Variants in SYNPR observed in about 807,000 individuals in gnomAD.
The protein encoded by SYNPR is synaptoporin.
A neutral mutation model predicts 32.9 loss-of-function variants in SYNPR; 23 were observed. That is an observed-to-expected ratio of 0.70 (90% CI 0.50 to 0.99). The LOEUF (loss-of-function observed/expected upper bound fraction) is 0.99. Ranked by LOEUF, SYNPR falls within the 50% of genes least tolerant of loss-of-function variation. The pLI, the probability that SYNPR is intolerant of heterozygous loss-of-function variation, is 0.00. For missense variants in SYNPR, 318 were observed against 349.3 expected, an observed-to-expected ratio of 0.91 and a Z score of 0.71; for synonymous variants, 146 against 135.9, an observed-to-expected ratio of 1.07 and a Z score of -0.52.
At chr3:63,469,717 T>C (rs145168485) in intron 2 of SYNPR, among the ~76,000 whole-genome samples, 2,201 of 152,356 alleles carry the variant, frequency 0.014, 51 homozygotes, top group African/African-American at 0.05. Flanking sequence ...ATTGATGCTA[T>C]ACTTTAGCCA....
At chr3:63,355,381 T>G (rs1453819067) in intron 2 of SYNPR, among the ~76,000 whole-genome samples, 3 of 152,062 alleles carry the variant, frequency 2.0e-5, no homozygotes, top group Non-Finnish European at 2.9e-5. Flanking sequence ...TAGAGGCTAC[T>G]GAAGGACCCA....
chr3:63,446,917 G>T (rs1416919239), intron 2 of SYNPR, among the ~76,000 whole-genome samples: 6 of 152,120 alleles, frequency 3.9e-5, no homozygotes, highest in Non-Finnish European at 8.8e-5. Context: ...GTTAAAAAAA[G>T]TTCAGAGTGC....
chr3:63,594,623 C>T (rs547387474), intron 4 of SYNPR, among the ~76,000 whole-genome samples: 1 of 152,154 alleles, frequency 6.6e-6, no homozygotes, highest in South Asian at 2.1e-4. Context: ...AATGGGATTA[C>T]AATAGTATCT....
chr3:63,281,511 A>G (rs2086630144), intron 2 of SYNPR, among the ~76,000 whole-genome samples: 1 of 152,210 alleles, frequency 6.6e-6, no homozygotes, highest in African/African-American at 2.4e-5. Flanking sequence ...TCAAGGTGCC[A>G]TCAGATTCGT....
At chr3:63,561,777 G>A (rs1559537113) in intron 4 of SYNPR, among the ~76,000 whole-genome samples, 1 of 152,080 alleles carries the variant, frequency 6.6e-6, no homozygotes, top group Non-Finnish European at 1.5e-5. Context: ...TGTGTATTGT[G>A]AATCACAGAT....
At chr3:63,374,516 G>C (rs2087859243) in intron 2 of SYNPR, among the ~76,000 whole-genome samples, 1 of 151,982 alleles carries the variant, frequency 6.6e-6, no homozygotes, top group African/African-American at 2.4e-5. Context: ...TAAATAATCT[G>C]TACACCAAGC....
intron 4 of SYNPR, among the ~76,000 whole-genome samples, chr3:63,594,562 C>T (rs769089301): frequency 6.6e-6 from 1 of 152,096 alleles, no homozygotes; most frequent in Non-Finnish European, 1.5e-5. Context: ...CGGTTGAAAT[C>T]CTGGCTGTGC....
At chr3:63,334,712 T>G (rs1173441147) in intron 2 of SYNPR, among the ~76,000 whole-genome samples, 1 of 152,212 alleles carries the variant, frequency 6.6e-6, no homozygotes, top group Admixed American at 6.5e-5. Flanking sequence ...TGGCGATTGA[T>G]ATTTTCCTAC....
chr3:63,358,704 T>G (rs1248643785), intron 2 of SYNPR, among the ~76,000 whole-genome samples: 1 of 152,200 alleles, frequency 6.6e-6, no homozygotes, highest in Admixed American at 6.5e-5. Context: ...GAAGTTTAAT[T>G]AACACATACT....
intron 5 of SYNPR, among the ~76,000 whole-genome samples, chr3:63,614,221 G>C (rs769560015): frequency 6.6e-6 from 1 of 152,212 alleles, no homozygotes; most frequent in South Asian, 2.1e-4. Context: ...ACAGCTTTGC[G>C]TTATACTACT....
chr3:63,594,017 G>C (rs1699890722), intron 4 of SYNPR, among the ~76,000 whole-genome samples: 2 of 152,154 alleles, frequency 1.3e-5, no homozygotes, highest in African/African-American at 4.8e-5. Context: ...ATGGGATTTG[G>C]AGTCAAACAG....
chr3:63,375,792 T>C (rs1238336020), intron 2 of SYNPR, among the ~76,000 whole-genome samples: 6 of 152,350 alleles, frequency 3.9e-5, no homozygotes, highest in African/African-American at 1.4e-4. Context: ...TAGATGTCAG[T>C]GTGTCCAAAA....
At chr3:63,602,865 T>C (rs1164788825) in intron 4 of SYNPR, among the ~76,000 whole-genome samples, 1 of 152,206 alleles carries the variant, frequency 6.6e-6, no homozygotes, top group East Asian at 1.9e-4. Flanking sequence ...AATAGTTTTG[T>C]TTTAATCTTG....
chr3:63,482,791 T>C (rs774522340), intron 3 of SYNPR, among the ~76,000 whole-genome samples: 9 of 152,208 alleles, frequency 5.9e-5, no homozygotes, highest in Non-Finnish European at 1.3e-4. Flanking sequence ...TACATTTGTA[T>C]ATTTTAACAT....
At chr3:63,543,362 T>C (rs978813069) in intron 3 of SYNPR, among the ~76,000 whole-genome samples, 4 of 152,134 alleles carry the variant, frequency 2.6e-5, no homozygotes, top group Non-Finnish European at 5.9e-5. Context: ...GTAAGACTTA[T>C]TTGTAGCATA....
intron 2 of SYNPR, among the ~76,000 whole-genome samples, chr3:63,381,614 A>G (rs1004797263): frequency 6.6e-6 from 1 of 152,222 alleles, no homozygotes; most frequent in Non-Finnish European, 1.5e-5. Flanking sequence ...AATTTCTTTT[A>G]GATAGCATAT....
At chr3:63,501,443 C>T (rs1701476652) in intron 3 of SYNPR, among the ~76,000 whole-genome samples, 1 of 146,872 alleles carries the variant, frequency 6.8e-6, no homozygotes, top group African/African-American at 2.5e-5. Flanking sequence ...TCTGTTAGTG[C>T]TCTCCAGCCT....
intron 2 of SYNPR, among the ~76,000 whole-genome samples, chr3:63,253,516 G>A (rs1190711118): frequency 6.6e-6 from 1 of 152,044 alleles, no homozygotes; most frequent in Non-Finnish European, 1.5e-5. Context: ...TATTGTATTT[G>A]TTTAAAAATA....
intron 2 of SYNPR, among the ~76,000 whole-genome samples, chr3:63,431,555 T>C (rs1699994199): frequency 6.6e-6 from 1 of 152,122 alleles, no homozygotes; most frequent in South Asian, 2.1e-4. Context: ...GAAGTGGTAA[T>C]TTATCTGGTT....
Sources: allele counts gnomAD v4.1 joint callset (sites outside exome capture counted in the v4.1 genomes callset), GRCh38; gene constraint gnomAD v4.1.1; transcripts MANE v1.5; gene names NCBI Gene and HGNC (gene_info 2026-07-23, HGNC 2026-07-21).